SPECC1L: variants seen among roughly 807,000 people sequenced by gnomAD.
SPECC1L encodes the protein cytospin-A.
SPECC1L carries 40 observed loss-of-function variants against 116.8 expected under a neutral mutation model. The observed-to-expected ratio is 0.34, with a 90% CI of 0.27 to 0.45. SPECC1L has a LOEUF of 0.45. Ranked by LOEUF, SPECC1L falls within the 20% of genes least tolerant of loss-of-function variation. The pLI is 1.00. For missense variants in SPECC1L, 1,110 were observed against 1,373.6 expected (o/e 0.81, Z 3.03); for synonymous variants, 504 against 500.6 (o/e 1.01, Z -0.09).
At chr22:24,276,826 A>G (rs1442696912) in intron 2 of SPECC1L, 23 bp downstream of exon 2, 1 of 451,116 alleles carries the variant, frequency 2.2e-6, no homozygotes, top group Non-Finnish European at 4.4e-6. Context: ...CTCCCAATAA[A>G]TGCCCCTTTT....
intron 9 of SPECC1L, among the ~76,000 whole-genome samples, 190 bp from the exon 10 acceptor site, chr22:24,338,196 C>G (rs183185632): frequency 2.0e-5 from 3 of 152,134 alleles, no homozygotes; most frequent in Non-Finnish European, 4.4e-5. Context: ...AAATAATTCA[C>G]CTGATGGGAG....
intron 11 of SPECC1L, among the ~76,000 whole-genome samples, chr22:24,359,668 G>A (rs28569235): frequency 0.014 from 2,180 of 151,970 alleles, 62 homozygotes; most frequent in African/African-American, 0.05. Context: ...GCCTACCTTT[G>A]AAGGCTTACC....
intron 14 of SPECC1L, among the ~76,000 whole-genome samples, chr22:24,376,911 GT>G (rs565394921): frequency 1.4e-5 from 2 of 142,522 alleles, no homozygotes; most frequent in South Asian, 2.2e-4. Flanking sequence ...GTGGGTTTTT[GT>G]TTTTTTTTTA....
Position 24,317,737 on chromosome 22 carries a change from C to T in SPECC1L, c.308-3551C>T, listed in dbSNP as rs527655200. Reference sequence around the variant, plus strand: ...CTCACTTCCCAGACGGGGTGGCTGCCGGGCGGAGGGGCTCCTCACTTCTCA... The same window carrying T: ...CTCACTTCCCAGACGGGGTGGCTGCTGGGCGGAGGGGCTCCTCACTTCTCA... On this transcript the variant is annotated intron_variant, in intron 4 of 16. Transcript: ENST00000314328. Among the ~76,000 whole-genome samples, 30 of 149,334 alleles carry T rather than the reference C, an allele frequency of 2.0e-4. No homozygotes were observed. The East Asian group carries it at 3.2e-3, about 16-fold the overall frequency.
intron 4 of SPECC1L, among the ~76,000 whole-genome samples, chr22:24,317,322 C>T (rs1252594661): frequency 5.2e-4 from 63 of 121,326 alleles, no homozygotes; most frequent in African/African-American, 1.5e-3. Flanking sequence ...CTGACCCCCC[C>T]CACCTCCCTC....
chr22:24,372,810 A>G (rs1283454532), intron 14 of SPECC1L, among the ~76,000 whole-genome samples: 1 of 152,136 alleles, frequency 6.6e-6, no homozygotes, highest in Admixed American at 6.5e-5. Flanking sequence ...AAGAGTATTC[A>G]GTTAGGAAAA....
intron 12 of SPECC1L, 100 bp from the exon 13 acceptor site, chr22:24,365,376 G>T: frequency 9.2e-7 from 1 of 1,085,400 alleles, no homozygotes; most frequent in Admixed American, 2.0e-5. Context: ...CCTCCTGTAT[G>T]GTAATATCTG....
intron 6 of SPECC1L, among the ~76,000 whole-genome samples, chr22:24,326,856 C>A (rs1424083546): frequency 6.6e-6 from 1 of 152,106 alleles, no homozygotes; most frequent in Non-Finnish European, 1.5e-5. Context: ...ACGTTTTATC[C>A]CATTTATTTC....
intron 15 of SPECC1L, 74 bp from the exon 16 acceptor site, chr22:24,412,574 C>G: frequency 7.2e-7 from 1 of 1,387,298 alleles, no homozygotes; most frequent in South Asian, 1.2e-5. Context: ...GCATCTGTCC[C>G]AGGCAGTTGT....
At chr22:24,319,697 T>C (rs2040680743) in intron 4 of SPECC1L, among the ~76,000 whole-genome samples, 1 of 152,204 alleles carries the variant, frequency 6.6e-6, no homozygotes, top group South Asian at 2.1e-4. Flanking sequence ...CCATGTTCAC[T>C]TCTGCTTCCT....
At chr22:24,326,114 C>T (rs1414755103) in intron 6 of SPECC1L, among the ~76,000 whole-genome samples, 9 of 152,048 alleles carry the variant, frequency 5.9e-5, no homozygotes, top group South Asian at 2.1e-4. Context: ...CTACCACACC[C>T]GGCTAATTTT....
At chr22:24,408,696 G>GC (rs1396597734) in intron 14 of SPECC1L, among the ~76,000 whole-genome samples, 2 of 152,264 alleles carry the variant, frequency 1.3e-5, no homozygotes, top group Non-Finnish European at 2.9e-5. Flanking sequence ...GCTGGAAGCA[G>GC]CAGATGTTCA....
At chr22:24,413,950 G>A (rs746392956) in intron 16 of SPECC1L, among the ~76,000 whole-genome samples, 7 of 152,164 alleles carry the variant, frequency 4.6e-5, no homozygotes, top group Admixed American at 1.3e-4. Context: ...CTTCTGTCTC[G>A]TGTTAAAGGC....
chr22:24,295,180 T>G (rs1414927749), intron 2 of SPECC1L, among the ~76,000 whole-genome samples: 1 of 151,102 alleles, frequency 6.6e-6, no homozygotes, highest in East Asian at 1.9e-4. Context: ...CCACCCAGAT[T>G]GCAGCCTTGT....
intron 2 of SPECC1L, among the ~76,000 whole-genome samples, chr22:24,278,731 A>G (rs2048884900): frequency 6.6e-6 from 1 of 152,248 alleles, no homozygotes; most frequent in Non-Finnish European, 1.5e-5. Flanking sequence ...TCTTAGTAGT[A>G]TAAATACAGT....
At chr22:24,274,854 T>A (rs2048801720) in intron 1 of SPECC1L, among the ~76,000 whole-genome samples, 1 of 152,224 alleles carries the variant, frequency 6.6e-6, no homozygotes, top group Non-Finnish European at 1.5e-5. Context: ...CCTACCTCTG[T>A]TTAGGTGCTT....
rs187324546 is a variant in SPECC1L at position 24,307,371 on chromosome 22, G to A, written c.153+4987G>A. Reference sequence around the variant, plus strand: ...AGAGGGTACAGTGTCTTTTTGCACTGATTTGTGGTTCTTTACCTCTTCTAG... The same window carrying A: ...AGAGGGTACAGTGTCTTTTTGCACTAATTTGTGGTTCTTTACCTCTTCTAG... On this transcript the variant is annotated intron_variant, in intron 3 of 16. Transcript: ENST00000314328. 2.6e-5 allele frequency among the ~76,000 whole-genome samples: 4 copies of A among 152,200 alleles called. 1 individual carries two copies. Among genetic ancestry groups the A allele is most frequent in the East Asian group, 1.9e-4 (1 of 5,178 alleles).
chr22:24,328,786 GT>G (rs2040878947), intron 6 of SPECC1L, 59 bp from the exon 7 acceptor site: 1 of 1,339,784 alleles, frequency 7.5e-7, no homozygotes, highest in African/African-American at 1.5e-5. Context: ...CCTTTTCTTT[GT>G]ATTATTACTC....
chr22:24,341,193 T>C (rs1479157520), intron 10 of SPECC1L, among the ~76,000 whole-genome samples: 1 of 152,122 alleles, frequency 6.6e-6, no homozygotes, highest in Admixed American at 6.5e-5. Flanking sequence ...AGGAGGGAGC[T>C]GCATAGAGAA....
Sources: allele counts gnomAD v4.1 joint callset (sites outside exome capture counted in the v4.1 genomes callset), GRCh38; gene constraint gnomAD v4.1.1; transcripts MANE v1.5; gene names NCBI Gene and HGNC (gene_info 2026-07-23, HGNC 2026-07-21).